VKORC1L1: variants seen among roughly 807,000 people sequenced by gnomAD.
VKORC1L1 encodes the protein vitamin K epoxide reductase complex subunit 1-like protein 1.
In VKORC1L1, 2 loss-of-function variants were observed where a neutral mutation model predicts 18.9. The observed-to-expected ratio is 0.11, with a 90% CI of 0.04 to 0.33. The LOEUF (loss-of-function observed/expected upper bound fraction) is 0.33, where lower values mean the gene tolerates loss of function less well. VKORC1L1 is among the 10% of genes least tolerant of loss of function. The probability of loss-of-function intolerance (pLI) is 1.00; values close to 1 mark genes in which losing one functional copy is unlikely to be tolerated. For missense variants in VKORC1L1, 123 were observed against 224.1 expected (o/e 0.55, Z 2.88); for synonymous variants, 96 against 100.0 (o/e 0.96, Z 0.24).
chr7:65,915,144 T>G (rs1789566357), intron 1 of VKORC1L1, among the ~76,000 whole-genome samples: 1 of 149,022 alleles, frequency 6.7e-6, no homozygotes, highest in Non-Finnish European at 1.5e-5. Context: ...CAGGCTGGAG[T>G]GCAGTGGCTC....
chr7:65,947,470 A>G (rs991259501), intron 1 of VKORC1L1, among the ~76,000 whole-genome samples: 2 of 150,356 alleles, frequency 1.3e-5, no homozygotes, highest in African/African-American at 2.5e-5. Flanking sequence ...CAGAGTTAAC[A>G]TTATCTTTAA....
intron 1 of VKORC1L1, among the ~76,000 whole-genome samples, chr7:65,934,136 C>A (rs1005493411): frequency 2.6e-5 from 4 of 152,026 alleles, no homozygotes; most frequent in African/African-American, 9.7e-5. Flanking sequence ...TGGCTCATGC[C>A]TGTAATCCCA....
chr7:65,956,148 C>T lies in VKORC1L1; in HGVS notation c.*1848C>T, dbSNP rs1790292245. ...CTTGCATTCTGAAGTAGTTAAAGAA[C>T]TCTAGAAAGTACTGATTGGCCATCT... On this transcript the variant is annotated 3_prime_UTR_variant, in exon 3 of 3. Transcript: ENST00000360768. 6.6e-6 allele frequency: 1 copy of T among 152,148 alleles called. No homozygotes were observed. The highest frequency in any genetic ancestry group is 2.4e-5 in the African/African-American group (1 of 41,426). 9.4% of individuals were successfully genotyped at this position (152,148 alleles called of 1,614,324 possible).
chr7:65,901,261 C>T (rs1789310521), intron 1 of VKORC1L1, among the ~76,000 whole-genome samples: 2 of 152,136 alleles, frequency 1.3e-5, no homozygotes, highest in Non-Finnish European at 2.9e-5. Flanking sequence ...TTTTGGGAGG[C>T]CTAGGCGGGA....
intron 1 of VKORC1L1, among the ~76,000 whole-genome samples, chr7:65,880,606 A>G (rs1382825694): frequency 2.0e-5 from 3 of 152,210 alleles, no homozygotes; most frequent in Non-Finnish European, 4.4e-5. Context: ...ATATAAAGAC[A>G]GGAGAATTGG....
intron 1 of VKORC1L1, among the ~76,000 whole-genome samples, chr7:65,880,783 G>C (rs1788915365): frequency 6.6e-6 from 1 of 152,190 alleles, no homozygotes; most frequent in South Asian, 2.1e-4. Context: ...GGTTGGGAAA[G>C]AACCAGAATC....
Position 65,954,377 on chromosome 7 carries a change from T to G in VKORC1L1, c.*77T>G. On this transcript the variant is annotated 3_prime_UTR_variant, in exon 3 of 3. Coordinates refer to ENST00000360768, the MANE Select transcript of VKORC1L1 (RefSeq NM_173517.6). ...TTTTGCAGCAGGTTTTTATTATTAT[T>G]ATTATTATTATTATTCACAACAGAC... 1 of 1,482,504 alleles carries G rather than the reference T, an allele frequency of 6.7e-7. No homozygotes were observed. Among genetic ancestry groups the G allele is most frequent in the Non-Finnish European group, 8.9e-7 (1 of 1,123,112 alleles). 91.8% of individuals were successfully genotyped at this position (1,482,504 alleles called of 1,614,324 possible).
chr7:65,887,271 A>G (rs1468941406), intron 1 of VKORC1L1, among the ~76,000 whole-genome samples: 1 of 152,192 alleles, frequency 6.6e-6, no homozygotes, highest in Non-Finnish European at 1.5e-5. Context: ...TTTACTAAAG[A>G]AACCCAGAAA....
At chr7:65,925,184 A>G (rs985847621) in intron 1 of VKORC1L1, among the ~76,000 whole-genome samples, 10 of 152,174 alleles carry the variant, frequency 6.6e-5, no homozygotes, top group African/African-American at 2.2e-4. Context: ...AGGTATGTGA[A>G]AAGTCAACAT....
chr7:65,935,093 C>T lies in VKORC1L1; in HGVS notation c.195-13578C>T, dbSNP rs114091284. Reference sequence around the variant, plus strand: ...AAAGGGGGTCTATTTCAGATATTTACCATTTCTGAAATTTCATATTTCCCT... The same window carrying T: ...AAAGGGGGTCTATTTCAGATATTTATCATTTCTGAAATTTCATATTTCCCT... On this transcript the variant is annotated intron_variant, in intron 1 of 2. Transcript: ENST00000360768. Among the ~76,000 whole-genome samples the T allele has an allele frequency of 2.0e-3, 306 of 151,472 alleles. 1 individual carries two copies. The highest frequency in any genetic ancestry group is 7.2e-3 in the African/African-American group (299 of 41,282).
intron 1 of VKORC1L1, among the ~76,000 whole-genome samples, chr7:65,898,783 C>G (rs1789260980): frequency 2.6e-5 from 4 of 152,146 alleles, no homozygotes. Flanking sequence ...TGTTGTACAA[C>G]CAGTCTCCAA....
intron 1 of VKORC1L1, among the ~76,000 whole-genome samples, chr7:65,942,019 A>C (rs1377997467): frequency 3.3e-5 from 5 of 152,126 alleles, no homozygotes. Context: ...CATAGAAATT[A>C]ACTGAACTTC....
At chr7:65,882,701 C>A (rs986962991) in intron 1 of VKORC1L1, among the ~76,000 whole-genome samples, 2 of 152,022 alleles carry the variant, frequency 1.3e-5, no homozygotes, top group African/African-American at 4.8e-5. Flanking sequence ...CTTGTTTGTT[C>A]ATGTAACATA....
At chr7:65,920,504 C>A (rs1583849318) in intron 1 of VKORC1L1, among the ~76,000 whole-genome samples, 1 of 152,012 alleles carries the variant, frequency 6.6e-6, no homozygotes, top group Non-Finnish European at 1.5e-5. Context: ...CATATAGATT[C>A]GTGTACATAA....
chr7:65,898,188 A>C (rs2116383196), intron 1 of VKORC1L1, among the ~76,000 whole-genome samples: 1 of 143,536 alleles, frequency 7.0e-6, no homozygotes, highest in Middle Eastern at 4.2e-3. Context: ...TCCTGGGTTC[A>C]AGCAATTCTC....
chr7:65,919,768 AG>A (rs1789645624), intron 1 of VKORC1L1, among the ~76,000 whole-genome samples: 1 of 152,158 alleles, frequency 6.6e-6, no homozygotes, highest in Non-Finnish European at 1.5e-5. Flanking sequence ...AAATATAAAC[AG>A]TGGCCAGGCC....
chr7:65,958,850 T>C lies in VKORC1L1; in HGVS notation c.*4550T>C, dbSNP rs554212466. Reference sequence around the variant, plus strand: ...ACACTCAGAATGTATTAATGAGCTGTTTTTCCATAGTTTTACTTTAGCTTA... The same window carrying C: ...ACACTCAGAATGTATTAATGAGCTGCTTTTCCATAGTTTTACTTTAGCTTA... On this transcript the variant is annotated 3_prime_UTR_variant, in exon 3 of 3. Transcript: ENST00000360768. The C allele has an allele frequency of 6.6e-6, 1 of 152,244 alleles. No homozygotes were observed. The highest frequency in any genetic ancestry group is 1.5e-5 in the Non-Finnish European group (1 of 68,050). 9.4% of individuals were successfully genotyped at this position (152,244 alleles called of 1,614,324 possible).
chr7:65,915,686 G>C (rs1789577591), intron 1 of VKORC1L1, among the ~76,000 whole-genome samples: 1 of 151,166 alleles, frequency 6.6e-6, no homozygotes, highest in Admixed American at 6.6e-5. Flanking sequence ...GAAATTGGGA[G>C]TTAGATAGTA....
chr7:65,921,300 A>G (rs1051212507), intron 1 of VKORC1L1, among the ~76,000 whole-genome samples: 11 of 152,176 alleles, frequency 7.2e-5, no homozygotes, highest in Non-Finnish European at 7.3e-5. Flanking sequence ...TACCAGTGCC[A>G]TGTTCATTTT....
Sources: allele counts gnomAD v4.1 joint callset (sites outside exome capture counted in the v4.1 genomes callset), GRCh38; gene constraint gnomAD v4.1.1; transcripts MANE v1.5; gene names NCBI Gene and HGNC (gene_info 2026-07-23, HGNC 2026-07-21).